TSPAN19: variants seen among roughly 807,000 people sequenced by gnomAD.
TSPAN19 encodes the protein tetraspanin 19, also known as tetraspanin-19.
In TSPAN19, 44 loss-of-function variants were observed where a neutral mutation model predicts 35.1. That is an observed-to-expected ratio of 1.25 (90% CI 0.98 to 1.61). TSPAN19 has a LOEUF of 1.61. Ranked by LOEUF, TSPAN19 falls within the 40% of genes most tolerant of loss-of-function variation. The probability of loss-of-function intolerance (pLI) is 0.00; values close to 1 mark genes in which losing one functional copy is unlikely to be tolerated. For synonymous variants in TSPAN19, 79 were observed against 92.0 expected (o/e 0.86, Z 0.81); for missense variants, 290 against 280.0 (o/e 1.04, Z -0.26).
chr12:85,019,597 A>G, intron 6 of TSPAN19, 29 bp downstream of exon 6: 2 of 1,376,936 alleles, frequency 1.5e-6, no homozygotes, highest in Non-Finnish European at 2.1e-6. Context: ...CAATACTGAC[A>G]TCTAATTTTT....
chr12:85,015,712 C>T (rs903314596), intron 8 of TSPAN19, 176 bp downstream of exon 8: 1 of 486,830 alleles, frequency 2.1e-6, no homozygotes, highest in Non-Finnish European at 3.6e-6. Context: ...TTAATAGGCT[C>T]CCCTGACCTG....
At chr12:85,028,371 T>A (rs1877524821) in intron 3 of TSPAN19, among the ~76,000 whole-genome samples, 1 of 152,226 alleles carries the variant, frequency 6.6e-6, no homozygotes, top group Admixed American at 6.5e-5. Flanking sequence ...CATTCATTCA[T>A]CAAAAATCTT....
chr12:85,018,318 A>G (rs1876927369), intron 6 of TSPAN19, among the ~76,000 whole-genome samples: 1 of 151,940 alleles, frequency 6.6e-6, no homozygotes, highest in African/African-American at 2.4e-5. Context: ...TACAATATAT[A>G]CCAACAATCT....
In TSPAN19 at chr12:85,015,976, G is replaced by A; in HGVS notation, c.595-5C>T. On this transcript the variant is annotated splice_region_variant and splice_polypyrimidine_tract_variant and intron_variant, in intron 7 of 8. Transcript: ENST00000532498. ...ACTGATTTTATTTTCACAACCCTAA[G>A]AAAAAGAAGTTATTCAGATGGACAT... The A allele has an allele frequency of 6.6e-7, 1 of 1,506,160 alleles. No individual in the cohort carries two copies. The highest frequency in any genetic ancestry group is 8.9e-7 in the Non-Finnish European group (1 of 1,117,606). 93.3% of individuals were successfully genotyped at this position (1,506,160 alleles called of 1,614,324 possible). A position where few individuals can be genotyped will look rare whatever the true frequency, so the allele number is the denominator to read the frequency against.
At position 85,019,639 on chromosome 12, in the gene TSPAN19, G is replaced by A. The variant is rs768450716; in HGVS notation, c.437C>T (p.Ala146Val). Reference protein sequence around the residue: ...EDITKWTILNALQKTLQCCGQ... With the variant: ...EDITKWTILNVLQKTLQCCGQ... ...ATTTCATCTTACTGTTTTCTGTAAGGCATTCAGAATAGTCCACTTGGTTAT... is the reference window on the plus strand; with the variant it reads ...ATTTCATCTTACTGTTTTCTGTAAGACATTCAGAATAGTCCACTTGGTTAT... Residue 146 changes from alanine to valine, a missense_variant, in exon 6 of 9, where the codon GCC becomes GTC. By Grantham distance (64) the Ala-to-Val change is moderately conservative. Coordinates refer to ENST00000532498, the MANE Select transcript of TSPAN19 (RefSeq NM_001100917.2). 1.0e-5 allele frequency: 16 copies of A among 1,588,776 alleles called. No individual in the cohort carries two copies. In the South Asian group the frequency reaches 1.7e-4, roughly 17 times the overall value.
intron 1 of TSPAN19, among the ~76,000 whole-genome samples, chr12:85,031,586 T>C (rs1190421566): frequency 3.3e-5 from 5 of 152,132 alleles, no homozygotes; most frequent in Non-Finnish European, 7.4e-5. Context: ...GACCCAAATA[T>C]AGAAGTAAAC....
At chr12:85,035,284 T>G in intron 1 of TSPAN19, 1 of 151,866 alleles carries the variant, frequency 6.6e-6, no homozygotes, top group East Asian at 1.9e-4. Flanking sequence ...AATAGATAAT[T>G]TCAATAGTCT....
chr12:85,025,376 G>T (rs1435024631), intron 4 of TSPAN19, among the ~76,000 whole-genome samples: 1 of 152,068 alleles, frequency 6.6e-6, no homozygotes, highest in African/African-American at 2.4e-5. Context: ...CTGGTCTCAG[G>T]TGATCTGCCC....
At chr12:85,029,247 G>C (rs1361473211) in intron 3 of TSPAN19, among the ~76,000 whole-genome samples, 2 of 152,006 alleles carry the variant, frequency 1.3e-5, no homozygotes, top group African/African-American at 2.4e-5. Context: ...AGTGGCAATG[G>C]GGAGTCACAT....
chr12:85,029,607 G>A (rs1592667273), intron 3 of TSPAN19, 112 bp downstream of exon 3: 1 of 879,420 alleles, frequency 1.1e-6, no homozygotes, highest in Non-Finnish European at 1.7e-6. Flanking sequence ...AGGAATGCTG[G>A]ACACTTAATA....
At chr12:85,035,271 A>C (rs1313392178) in intron 1 of TSPAN19, 1 of 152,140 alleles carries the variant, frequency 6.6e-6, no homozygotes, top group Non-Finnish European at 1.5e-5. Flanking sequence ...AAAAACAATA[A>C]AAAATAGATA....
rs1253864822 is a variant in TSPAN19, at chr12:85,030,572, T to C, written c.-27-599A>G. Among the ~76,000 whole-genome samples the C allele has an allele frequency of 2.6e-5, 4 of 152,222 alleles. No homozygotes were observed. The East Asian group carries it at 5.8e-4, about 22-fold the overall frequency. On this transcript the variant is annotated intron_variant, in intron 1 of 8. Coordinates refer to ENST00000532498, the MANE Select transcript of TSPAN19 (RefSeq NM_001100917.2). Reference sequence around the variant, plus strand: ...GGGGTATTTAAGTGGCGAGAGTATGTCTTATATACCATTGTAACCTCCAGG... The same window carrying C: ...GGGGTATTTAAGTGGCGAGAGTATGCCTTATATACCATTGTAACCTCCAGG...
Position 85,028,020 on chromosome 12 carries a change from T to G in TSPAN19, c.143A>C (p.Glu48Ala), listed in dbSNP as rs1365713104. The G allele has an allele frequency of 6.5e-6, 10 of 1,548,814 alleles. No homozygotes were observed. The highest frequency in any genetic ancestry group is 8.8e-6 in the Non-Finnish European group (10 of 1,141,392). Residue 48 changes from glutamate to alanine, a missense_variant, in exon 4 of 9, where the codon GAA (glutamate) becomes GCA (alanine). By Grantham distance (107) the Glu-to-Ala change is moderately radical. Transcript: ENST00000532498. ...AATAGGTACTATGAAGTGATTATTT[T>G]CATCTGTGAAAAGTACAAATTTACT... ...DRNNFLTAFD[E>A]NNHFIVPISQ...
chr12:85,018,878 T>C lies in TSPAN19; in HGVS notation c.450+748A>G, dbSNP rs143704609. Among the ~76,000 whole-genome samples, 33 of 151,962 alleles carry C rather than the reference T, an allele frequency of 2.2e-4. No homozygotes were observed. The South Asian group carries it at 2.9e-3, about 13-fold the overall frequency. ...GTTGGGAGGACTGAATTAGCTAATA[T>C]ATGCAAAGCACTTACAAAAAAGTCT... On this transcript the variant is annotated intron_variant, in intron 6 of 8. Coordinates refer to ENST00000532498, the MANE Select transcript of TSPAN19 (RefSeq NM_001100917.2).
chr12:85,031,835 C>T (rs1171935528), intron 1 of TSPAN19, among the ~76,000 whole-genome samples: 1 of 151,940 alleles, frequency 6.6e-6, no homozygotes, highest in African/African-American at 2.4e-5. Context: ...GACTTGGTCC[C>T]ACAGCAATAC....
chr12:85,027,466 C>T (rs1389427443), intron 4 of TSPAN19, among the ~76,000 whole-genome samples: 1 of 152,152 alleles, frequency 6.6e-6, no homozygotes, highest in East Asian at 1.9e-4. Context: ...AAAATACATA[C>T]ATACATAAGT....
chr12:85,022,668 T>C (rs1877189444), intron 5 of TSPAN19, among the ~76,000 whole-genome samples: 1 of 152,122 alleles, frequency 6.6e-6, no homozygotes, highest in South Asian at 2.1e-4. Flanking sequence ...CAAGTACATG[T>C]TCATTTTACT....
At chr12:85,032,652 T>A (rs921376351) in intron 1 of TSPAN19, among the ~76,000 whole-genome samples, 7 of 152,296 alleles carry the variant, frequency 4.6e-5, no homozygotes, top group Admixed American at 4.6e-4. Flanking sequence ...GATGTTCATG[T>A]GTTGGCTTTT....
chr12:85,030,351 A>T (rs1436668792), intron 1 of TSPAN19, among the ~76,000 whole-genome samples: 1 of 152,146 alleles, frequency 6.6e-6, no homozygotes, highest in Non-Finnish European at 1.5e-5. Context: ...TAACCATTAG[A>T]TAGCCAGGAA....
Sources: gnomAD v4.1 joint callset for allele counts (sites outside exome capture counted in the v4.1 genomes callset) on GRCh38, gnomAD v4.1.1 for gene constraint, MANE v1.5 for transcripts, NCBI Gene and HGNC (gene_info 2026-07-23, HGNC 2026-07-21) for gene names.